The following TRPC6 variants were observed in gnomAD, a reference collection of about 807,000 sequenced individuals.
TRPC6 encodes the protein short transient receptor potential channel 6.
A neutral mutation model predicts 90.7 loss-of-function variants in TRPC6; 55 were observed. The ratio of observed to expected loss-of-function variants is 0.61; its 90% CI spans 0.49 to 0.76. The LOEUF is 0.76. TRPC6 is among the 30% of genes least tolerant of loss of function. TRPC6 has a pLI of 0.00. For missense variants in TRPC6, 989 were observed against 1,122.7 expected (o/e 0.88, Z 1.70); for synonymous variants, 393 against 393.0 (o/e 1.00, Z 0.00).
chr11:101,455,050 T>C lies in TRPC6; in HGVS notation c.2536A>G (p.Asn846Asp), dbSNP rs1431428521. The C allele has an allele frequency of 6.2e-7, 1 of 1,612,554 alleles. No individual in the cohort carries two copies. The highest frequency in any genetic ancestry group is 8.5e-7 in the Non-Finnish European group (1 of 1,179,110). Residue 846 changes from asparagine to aspartate, a missense_variant, in exon 11 of 13, where the codon AAT becomes GAT. Coordinates refer to ENST00000344327, the MANE Select transcript of TRPC6 (RefSeq NM_004621.6). Reference protein sequence around the residue: ...SIRSSEDFHLNSFNNPPRQYQ... With the variant: ...SIRSSEDFHLDSFNNPPRQYQ... ...TGTCTTGGAGGATTATTGAAACTAT[T>C]TAGATGGAAATCTTCTGAGCTCCTT...
rs199866910 is a variant in TRPC6 at position 101,535,175 on chromosome 11, A to AAAGGAAGG, written c.171-30385_171-30378dup. ...AGCAAGATTCTGTCAGAAAGAAAAG[A>AAAGGAAGG]AAGGAAGGAAGGAAGGAAGGAAGGA... On this transcript the variant is annotated intron_variant, in intron 1 of 12. Coordinates refer to ENST00000344327, the MANE Select transcript of TRPC6 (RefSeq NM_004621.6). 7.8e-3 allele frequency among the ~76,000 whole-genome samples: 1,015 copies of AAAGGAAGG among 129,544 alleles called. 20 individuals are homozygous for AAAGGAAGG. The highest frequency in any genetic ancestry group is 0.022 in the African/African-American group (788 of 35,818). 85.0% of individuals were successfully genotyped at this position (129,544 alleles called of 152,430 possible). A position where few individuals can be genotyped will look rare whatever the true frequency, so the allele number is the denominator to read the frequency against.
chr11:101,517,755 C>G (rs1860555438), intron 1 of TRPC6, among the ~76,000 whole-genome samples: 1 of 152,008 alleles, frequency 6.6e-6, no homozygotes, highest in South Asian at 2.1e-4. Context: ...CTGAAGAAAC[C>G]AAGATACAAA....
At chr11:101,557,942 A>G (rs147234109) in intron 1 of TRPC6, among the ~76,000 whole-genome samples, 362 of 152,254 alleles carry the variant, frequency 2.4e-3, no homozygotes, top group African/African-American at 8.2e-3. Flanking sequence ...TATACTAGCC[A>G]AAGTGATCTA....
chr11:101,504,360 T>G lies in TRPC6; in HGVS notation c.609A>C (p.Gln203His), dbSNP rs577860483. ...ATSPSQSELQ[Q>H]DDFYAYDEDG... ...CTTCATCATAGGCATAAAAATCATC[T>G]TGCTGGAGTTCAGACTGGCTAGGGC... Residue 203 changes from glutamine (Q) to histidine (H), a missense_variant, in exon 2 of 13, where the codon CAA (glutamine) becomes CAC (histidine). By Grantham distance (24) the Gln-to-His change is conservative. Around this residue, in one of 4 missense-constraint regions of TRPC6, gnomAD observed 486 missense variants for 591.9 expected, o/e 0.82. Transcript: ENST00000344327. 1 of 1,614,118 alleles carries G rather than the reference T, an allele frequency of 6.2e-7. No homozygotes were observed. Among genetic ancestry groups the G allele is most frequent in the African/African-American group, 1.3e-5 (1 of 75,032 alleles).
At position 101,469,552 on chromosome 11, in the gene TRPC6, CTTCATTCTGTATT is replaced by C. The variant is rs777930044; in HGVS notation, c.2410-64_2410-52del. The stretch of plus-strand genomic sequence containing the variant: ...GTATAACTGCATAACCAATTTCACT[CTTCATTCTGTATT>C]TTAAAAGCCATTTCGTCTAATTCTC... On this transcript the variant is annotated intron_variant, in intron 9 of 12. Transcript: ENST00000344327. 5.7e-6 allele frequency: 4 copies of C among 701,686 alleles called. No individual in the cohort carries two copies. In the Admixed American group the frequency reaches 8.3e-5, roughly 15 times the overall value. The allele number at this position is 701,686 out of a possible 1,614,324, so 43.5% of individuals were successfully genotyped here.
intron 1 of TRPC6, among the ~76,000 whole-genome samples, chr11:101,548,509 G>A (rs1281055986): frequency 7.9e-6 from 1 of 126,684 alleles, no homozygotes; most frequent in African/African-American, 2.7e-5. Flanking sequence ...TCACAGATGA[G>A]GAAAGTGAGG....
intron 1 of TRPC6, among the ~76,000 whole-genome samples, chr11:101,560,723 A>T (rs913062438): frequency 6.6e-6 from 1 of 152,186 alleles, no homozygotes; most frequent in African/African-American, 2.4e-5. Context: ...GTGCAGAGGA[A>T]AATTCAGGGA....
Position 101,583,549 on chromosome 11 carries a change from A to C in TRPC6, c.-46T>G, listed in dbSNP as rs1862254143. On this transcript the variant is annotated 5_prime_UTR_variant, in exon 1 of 13. Transcript: ENST00000344327. ...CTGGGCCCCGCTCCCGGGGGAGCCG[A>C]GTGGGCAGTTCCAGCGGGGACCCGG... The C allele has an allele frequency of 1.4e-6, 2 of 1,411,986 alleles. No individual in the cohort carries two copies. The highest frequency in any genetic ancestry group is 3.0e-5 in the African/African-American group (2 of 66,260). 87.5% of individuals were successfully genotyped at this position (1,411,986 alleles called of 1,614,324 possible). A position where few individuals can be genotyped will look rare whatever the true frequency, so the allele number is the denominator to read the frequency against.
intron 2 of TRPC6, among the ~76,000 whole-genome samples, chr11:101,495,893 T>C (rs184609127): frequency 6.6e-6 from 1 of 152,170 alleles, no homozygotes; most frequent in African/African-American, 2.4e-5. Context: ...TTCCTCTTTC[T>C]CACAGTCAGC....
chr11:101,511,135 A>G (rs1860385202), intron 1 of TRPC6, among the ~76,000 whole-genome samples: 1 of 152,190 alleles, frequency 6.6e-6, no homozygotes, highest in African/African-American at 2.4e-5. Flanking sequence ...AGACTCAGAT[A>G]TTTAGAGATT....
At chr11:101,498,838 T>G (rs1239635013) in intron 2 of TRPC6, among the ~76,000 whole-genome samples, 2 of 152,078 alleles carry the variant, frequency 1.3e-5, no homozygotes, top group Non-Finnish European at 2.9e-5. Flanking sequence ...CACCCACCCA[T>G]GTAGCAAGCA....
At chr11:101,503,603 C>T (rs999249587) in intron 2 of TRPC6, among the ~76,000 whole-genome samples, 1 of 152,194 alleles carries the variant, frequency 6.6e-6, no homozygotes, top group East Asian at 1.9e-4. Flanking sequence ...GCATCTATCA[C>T]TGTGCTCTGA....
At chr11:101,543,542 C>A (rs549042370) in intron 1 of TRPC6, among the ~76,000 whole-genome samples, 21 of 151,868 alleles carry the variant, frequency 1.4e-4, no homozygotes, top group African/African-American at 1.9e-4. Flanking sequence ...GATATATAGA[C>A]CAATGGAACA....
In TRPC6 at chr11:101,456,060, ACT is replaced by A. The variant is rs201954418; in HGVS notation, c.2485-961_2485-960del. ...CTATTATTTCCTTTTTCTTTTACTCACTCTAAAAATTTTAGTGTCCATATAAT... is the reference window on the plus strand; with the variant it reads ...CTATTATTTCCTTTTTCTTTTACTCACTAAAAATTTTAGTGTCCATATAAT... On this transcript the variant is annotated intron_variant, in intron 10 of 12. Transcript: ENST00000344327. Among the ~76,000 whole-genome samples, 108 of 151,662 alleles carry A rather than the reference ACT, an allele frequency of 7.1e-4. 1 individual carries two copies. The East Asian group carries it at 0.016, about 23-fold the overall frequency.
intron 9 of TRPC6, among the ~76,000 whole-genome samples, chr11:101,469,944 G>A (rs1859250113): frequency 6.6e-6 from 1 of 152,172 alleles, no homozygotes; most frequent in Admixed American, 6.5e-5. Context: ...TATTACAGTT[G>A]AGGAAACTAG....
intron 1 of TRPC6, among the ~76,000 whole-genome samples, chr11:101,576,385 G>A (rs1428803095): frequency 6.6e-6 from 1 of 152,184 alleles, no homozygotes. Flanking sequence ...AGCTGAATTA[G>A]GTGGAGAACA....
chr11:101,496,163 TGAGAACAGCAA>T (rs1478777886), intron 2 of TRPC6, among the ~76,000 whole-genome samples: 9 of 152,064 alleles, frequency 5.9e-5, no homozygotes, highest in African/African-American at 2.2e-4. Flanking sequence ...CTCACTAGCA[TGAGAACAGCAA>T]GAGGAAAATC....
At chr11:101,548,280 A>ATAATT (rs1861360180) in intron 1 of TRPC6, among the ~76,000 whole-genome samples, 14 of 135,502 alleles carry the variant, frequency 1.0e-4, no homozygotes, top group Admixed American at 3.2e-4. Flanking sequence ...TATAATTTAT[A>ATAATT]TATATAATTA....
chr11:101,506,034 G>T (rs1255000877), intron 1 of TRPC6, among the ~76,000 whole-genome samples: 1 of 147,100 alleles, frequency 6.8e-6, no homozygotes, highest in Non-Finnish European at 1.5e-5. Flanking sequence ...AAAAAAAAAG[G>T]AAGGGGGCTG....
Sources: allele counts gnomAD v4.1 joint callset (sites outside exome capture counted in the v4.1 genomes callset), GRCh38; gene constraint gnomAD v4.1.1; regional missense constraint gnomAD v4.1.1; transcripts MANE v1.5; gene names NCBI Gene and HGNC (gene_info 2026-07-23, HGNC 2026-07-21).